Variants in UGT1A10 observed in about 807,000 individuals in gnomAD.
UGT1A10 encodes UDP-glucuronosyltransferase 1A10.
Under a neutral mutation model 45.8 loss-of-function variants are expected in UGT1A10, and 49 were observed. That is an observed-to-expected ratio of 1.07 (90% CI 0.85 to 1.36). The LOEUF is 1.36. UGT1A10 is among the 40% of genes most tolerant of loss of function. UGT1A10 has a pLI of 0.00. For missense variants in UGT1A10, 745 were observed against 668.6 expected, an observed-to-expected ratio of 1.11 and a Z score of -1.26; for synonymous variants, 284 against 249.7, an observed-to-expected ratio of 1.14 and a Z score of -1.29.
intron 1 of UGT1A10, among the ~76,000 whole-genome samples, chr2:233,696,018 G>A (rs1380009671): frequency 1.3e-5 from 2 of 152,070 alleles, no homozygotes; most frequent in African/African-American, 2.4e-5. Flanking sequence ...CACAGACATG[G>A]GGCTCAGTCC....
intron 1 of UGT1A10, among the ~76,000 whole-genome samples, chr2:233,724,945 C>G (rs1463938035): frequency 1.4e-5 from 2 of 144,514 alleles, no homozygotes; most frequent in African/African-American, 5.3e-5. Context: ...GTCTGCAATC[C>G]CGGCACCTCG....
intron 1 of UGT1A10, among the ~76,000 whole-genome samples, 177 bp from the exon 2 acceptor site, chr2:233,766,857 A>C (rs1004098004): frequency 1.3e-5 from 2 of 152,224 alleles, no homozygotes; most frequent in Non-Finnish European, 2.9e-5. Flanking sequence ...CTTTAGAAGG[A>C]AGTAAAGGAG....
intron 1 of UGT1A10, among the ~76,000 whole-genome samples, chr2:233,687,020 T>A (rs551595106): frequency 2.6e-5 from 4 of 152,192 alleles, no homozygotes; most frequent in Admixed American, 1.3e-4. Context: ...CTTTAGGAGG[T>A]GGTTCAATGT....
In UGT1A10 at chr2:233,636,690, T is replaced by C. The variant is rs1445183624; in HGVS notation, c.168T>C (p.Val56=). 6.2e-7 allele frequency: 1 copy of C among 1,614,116 alleles called. No individual in the cohort carries two copies. Residue 56 remains valine, a synonymous_variant, in exon 1 of 5, where the codon GTT becomes GTC. Transcript: ENST00000344644. The part of the protein sequence containing the change: ...EKLILRGHEV[V]VVMPEVSWQL... ...TTATCCTCAGGGGGCATGAGGTGGT[T>C]GTAGTCATGCCAGAGGTGAGTTGGC...
chr2:233,755,170 T>C (rs1240762958), intron 1 of UGT1A10: 2 of 1,262,070 alleles, frequency 1.6e-6, no homozygotes, highest in Non-Finnish European at 2.2e-6. Context: ...TCGGGGTTTT[T>C]GTCGGGGTGC....
Position 233,674,920 on chromosome 2 carries a change from G to C in UGT1A10, c.855+37543G>C, listed in dbSNP as rs181012104. 4.0e-4 allele frequency among the ~76,000 whole-genome samples: 61 copies of C among 152,302 alleles called. No individual in the cohort carries two copies. The East Asian group carries it at 9.3e-3, about 23-fold the overall frequency. The stretch of plus-strand genomic sequence containing the variant: ...TTCCTTGTTTCAGATGCCAGGATGT[G>C]TCTGGGAAAAGCATGCAGTTGGTTA... On this transcript the variant is annotated intron_variant, in intron 1 of 4. Coordinates refer to ENST00000344644, the MANE Select transcript of UGT1A10 (RefSeq NM_019075.4).
intron 1 of UGT1A10, among the ~76,000 whole-genome samples, chr2:233,671,251 C>G (rs1169024060): frequency 6.6e-6 from 1 of 152,148 alleles, no homozygotes; most frequent in Admixed American, 6.5e-5. Flanking sequence ...GGGCAACTTC[C>G]CACTGCGTGC....
intron 4 of UGT1A10, chr2:233,771,247 T>G (rs1205920576): frequency 6.6e-6 from 1 of 152,190 alleles, no homozygotes; most frequent in Non-Finnish European, 1.5e-5. Flanking sequence ...TAATTAGTCC[T>G]GAATAGGAGT....
intron 1 of UGT1A10, chr2:233,747,636 A>C: frequency 3.8e-6 from 6 of 1,581,726 alleles, no homozygotes; most frequent in East Asian, 2.2e-5. Context: ...CAGGCACCTG[A>C]ATGCTACTTC....
intron 1 of UGT1A10, among the ~76,000 whole-genome samples, chr2:233,720,278 T>G (rs1449886876): frequency 6.6e-6 from 1 of 151,854 alleles, no homozygotes; most frequent in Non-Finnish European, 1.5e-5. Flanking sequence ...CTGAGAAAAG[T>G]TTTTCTGACC....
At chr2:233,709,533 T>C (rs2076081287) in intron 1 of UGT1A10, among the ~76,000 whole-genome samples, 1 of 152,184 alleles carries the variant, frequency 6.6e-6, no homozygotes, top group African/African-American at 2.4e-5. Flanking sequence ...TTTTTCCTAC[T>C]GTGATATATG....
At chr2:233,710,922 T>C (rs2076154215) in intron 1 of UGT1A10, among the ~76,000 whole-genome samples, 1 of 152,228 alleles carries the variant, frequency 6.6e-6, no homozygotes, top group Non-Finnish European at 1.5e-5. Context: ...TTAGACCACT[T>C]AGTCTTTGTT....
intron 1 of UGT1A10, chr2:233,672,758 T>A (rs375063799): frequency 3.7e-6 from 6 of 1,613,764 alleles, no homozygotes; most frequent in Non-Finnish European, 5.1e-6. Context: ...ATTGGTGGTA[T>A]CAACTGCCAT....
intron 1 of UGT1A10, among the ~76,000 whole-genome samples, chr2:233,653,564 G>A (rs562374602): frequency 6.6e-6 from 1 of 152,270 alleles, no homozygotes; most frequent in South Asian, 2.1e-4. Flanking sequence ...CGCATACACA[G>A]TTGCTTAAAG....
intron 1 of UGT1A10, chr2:233,761,263 A>G (rs953290784): frequency 6.9e-6 from 11 of 1,601,374 alleles, no homozygotes; most frequent in Non-Finnish European, 9.4e-6. Flanking sequence ...ATAATTTAAA[A>G]TGCCCTCTTT....
chr2:233,741,050 G>A (rs1276633164), intron 1 of UGT1A10, among the ~76,000 whole-genome samples: 2 of 151,768 alleles, frequency 1.3e-5, no homozygotes, highest in African/African-American at 4.9e-5. Context: ...TCTTGCCTAG[G>A]TAACAGCTAC....
intron 1 of UGT1A10, chr2:233,747,256 G>C: frequency 6.2e-7 from 1 of 1,600,772 alleles, no homozygotes; most frequent in Non-Finnish European, 8.5e-7. Flanking sequence ...GCTGGCCACA[G>C]GAGTGCTACT....
intron 1 of UGT1A10, chr2:233,691,042 C>T (rs1369045618): frequency 5.1e-6 from 5 of 989,126 alleles, no homozygotes; most frequent in South Asian, 9.3e-5. Flanking sequence ...CCAACGTCCA[C>T]AGCAGAGTGG....
chr2:233,769,469 G>T lies in UGT1A10; in HGVS notation c.1295+1030G>T. On this transcript the variant is annotated intron_variant, in intron 4 of 4. Coordinates refer to ENST00000344644, the MANE Select transcript of UGT1A10 (RefSeq NM_019075.4). The surrounding 1 kb of genome is among the most constrained non-coding windows in gnomAD (Gnocchi z 4.4). ...CACACGTGTGCATTCATATGCGTGT[G>T]TGTGTGTGTGCGTGTGTTTATGAGA... 2 of 1,610,132 alleles carry T rather than the reference G, an allele frequency of 1.2e-6. No homozygotes were observed.
Sources: gnomAD v4.1 joint callset for allele counts (sites outside exome capture counted in the v4.1 genomes callset) on GRCh38, gnomAD v4.1.1 for gene constraint, Gnocchi (gnomAD v3.1) non-coding constraint, MANE v1.5 for transcripts, NCBI Gene and HGNC (gene_info 2026-07-23, HGNC 2026-07-21) for gene names.